ASIC2: variants seen among roughly 807,000 people sequenced by gnomAD.
The protein encoded by ASIC2 is acid-sensing ion channel 2.
In ASIC2, 25 loss-of-function variants were observed where a neutral mutation model predicts 57.3. The ratio of observed to expected loss-of-function variants is 0.44; its 90% CI spans 0.32 to 0.61. The LOEUF is 0.61. ASIC2 is among the 20% of genes least tolerant of loss of function. ASIC2 has a pLI of 0.06. For synonymous variants in ASIC2, 319 were observed against 307.5 expected (o/e 1.04, Z -0.39); for missense variants, 641 against 738.1 (o/e 0.87, Z 1.52).
At chr17:33,391,219 G>A (rs1394389) in intron 1 of ASIC2, among the ~76,000 whole-genome samples, 40,697 of 152,080 alleles carry the variant, frequency 0.27, 6,368 homozygotes, top group East Asian at 0.72. Flanking sequence ...AGAAGGGATA[G>A]GATTATTTGC....
intron 1 of ASIC2, among the ~76,000 whole-genome samples, chr17:33,564,686 A>T (rs1916177971): frequency 6.6e-6 from 1 of 152,192 alleles, no homozygotes; most frequent in Admixed American, 6.5e-5. Flanking sequence ...CTGGCCATAA[A>T]CTGGCCCTAA....
chr17:33,545,153 C>A (rs1915539552), intron 1 of ASIC2, among the ~76,000 whole-genome samples: 1 of 152,198 alleles, frequency 6.6e-6, no homozygotes, highest in South Asian at 2.1e-4. Context: ...ATAGATAAAT[C>A]AGTCCCACCA....
At chr17:33,801,045 A>G (rs896546905) in intron 1 of ASIC2, among the ~76,000 whole-genome samples, 2 of 152,202 alleles carry the variant, frequency 1.3e-5, no homozygotes, top group East Asian at 3.8e-4. Flanking sequence ...AAAACCCTCT[A>G]GGAAAGGAGA....
chr17:33,654,075 A>C (rs987067217), intron 1 of ASIC2, among the ~76,000 whole-genome samples: 3 of 152,170 alleles, frequency 2.0e-5, no homozygotes, highest in African/African-American at 7.2e-5. Context: ...AGTGAACCTC[A>C]TTTTTCTCAT....
intron 1 of ASIC2, chr17:33,980,599 G>C (rs1378765671): frequency 6.6e-6 from 1 of 152,192 alleles, no homozygotes; most frequent in Non-Finnish European, 1.5e-5. Flanking sequence ...GTGCTTCCCA[G>C]GTCCCTCTTC....
intron 1 of ASIC2, among the ~76,000 whole-genome samples, chr17:33,860,626 A>G (rs1914078635): frequency 6.6e-6 from 1 of 152,254 alleles, no homozygotes; most frequent in Non-Finnish European, 1.5e-5. Context: ...AGCTAGGACC[A>G]GAATCATATG....
Position 33,528,560 on chromosome 17 carries a change from C to T in ASIC2, c.556-416493G>A, listed in dbSNP as rs188818366. ...TCTTGTCTCTGATGACAGATAATGG[C>T]GGCTGGTGAAGGGGATTGGTTGGCA... On this transcript the variant is annotated intron_variant, in intron 1 of 9. Coordinates refer to the ASIC2 transcript ENST00000359872. Among the ~76,000 whole-genome samples, 174 of 152,132 alleles carry T rather than the reference C, an allele frequency of 1.1e-3. 1 individual carries two copies. Among genetic ancestry groups the T allele is most frequent in the African/African-American group, 4.0e-3 (164 of 41,492 alleles).
intron 1 of ASIC2, chr17:33,291,161 C>T: frequency 1.4e-6 from 1 of 724,640 alleles, no homozygotes; most frequent in Middle Eastern, 4.1e-4. Flanking sequence ...GGGGCTGACA[C>T]TGGAAGGAGG....
chr17:33,668,354 C>T (rs1288148161), intron 1 of ASIC2, among the ~76,000 whole-genome samples: 1 of 136,194 alleles, frequency 7.3e-6, no homozygotes, highest in Non-Finnish European at 1.5e-5. Context: ...AGAAGGGCTG[C>T]GTTCCTTTCT....
At chr17:33,501,509 G>A (rs1162690065) in intron 1 of ASIC2, among the ~76,000 whole-genome samples, 1 of 152,218 alleles carries the variant, frequency 6.6e-6, no homozygotes. Context: ...CAGCAAATAA[G>A]TGGCAGTGTT....
intron 1 of ASIC2, among the ~76,000 whole-genome samples, chr17:33,908,743 A>C (rs1255432190): frequency 3.3e-5 from 5 of 152,248 alleles, no homozygotes; most frequent in African/African-American, 1.2e-4. Context: ...ATCCTTGGTG[A>C]GTTCCACTAT....
chr17:33,454,393 C>A (rs1912377969), intron 1 of ASIC2, among the ~76,000 whole-genome samples: 1 of 152,256 alleles, frequency 6.6e-6, no homozygotes, highest in African/African-American at 2.4e-5. Flanking sequence ...AGACCCTTTA[C>A]TCCCAGACAG....
intron 1 of ASIC2, among the ~76,000 whole-genome samples, chr17:33,771,235 TCAAA>T (rs200183761): frequency 0.011 from 1,658 of 152,306 alleles, 15 homozygotes; most frequent in Non-Finnish European, 0.015. Context: ...TCACCATTCC[TCAAA>T]CAAACAGCAG....
At chr17:34,012,642 T>C (rs1317030149) in intron 1 of ASIC2, among the ~76,000 whole-genome samples, 1 of 152,180 alleles carries the variant, frequency 6.6e-6, no homozygotes, top group East Asian at 1.9e-4. Context: ...AGTATAACCC[T>C]CATGCGGCCC....
At chr17:33,412,863 A>C (rs1289237572) in intron 1 of ASIC2, among the ~76,000 whole-genome samples, 1 of 152,174 alleles carries the variant, frequency 6.6e-6, no homozygotes, top group Non-Finnish European at 1.5e-5. Context: ...TAGGTCAGGA[A>C]CTGGAGCTGT....
chr17:33,358,075 T>C (rs912473021), intron 1 of ASIC2, among the ~76,000 whole-genome samples: 3 of 152,240 alleles, frequency 2.0e-5, no homozygotes, highest in Admixed American at 2.0e-4. Flanking sequence ...TGGCACACTA[T>C]AGCCCACAGC....
chr17:33,722,839 A>G (rs1909430112), intron 1 of ASIC2, among the ~76,000 whole-genome samples: 1 of 152,248 alleles, frequency 6.6e-6, no homozygotes, highest in African/African-American at 2.4e-5. Flanking sequence ...GTTCAATCTT[A>G]CTACTCCTCA....
At chr17:33,506,123 G>A (rs931431356) in intron 1 of ASIC2, among the ~76,000 whole-genome samples, 17 of 152,098 alleles carry the variant, frequency 1.1e-4, no homozygotes, top group Middle Eastern at 3.4e-3. Flanking sequence ...GGCTGGGTGT[G>A]GTGGCTCACG....
intron 1 of ASIC2, among the ~76,000 whole-genome samples, chr17:34,147,690 GT>G (rs1436941484): frequency 6.6e-6 from 1 of 152,158 alleles, no homozygotes; most frequent in African/African-American, 2.4e-5. Flanking sequence ...TTGGTCTCAG[GT>G]TGTAATAGAT....
Sources: gnomAD v4.1 joint callset for allele counts (sites outside exome capture counted in the v4.1 genomes callset) on GRCh38, gnomAD v4.1.1 for gene constraint, MANE v1.5 for transcripts, NCBI Gene and HGNC (gene_info 2026-07-23, HGNC 2026-07-21) for gene names.